Variants in STK32B observed in about 807,000 individuals in gnomAD.
The protein encoded by STK32B is serine/threonine kinase 32B, also known as serine/threonine-protein kinase 32B.
Under a neutral mutation model 52.6 loss-of-function variants are expected in STK32B, and 43 were observed. The observed-to-expected ratio is 0.82, with a 90% CI of 0.64 to 1.05. The LOEUF is 1.05. Among genes scored for constraint, STK32B ranks in the 50% least tolerant of loss-of-function variants. The pLI is 0.00. For synonymous variants in STK32B, 238 were observed against 204.3 expected, an observed-to-expected ratio of 1.17 and a Z score of -1.41; for missense variants, 621 against 534.6, an observed-to-expected ratio of 1.16 and a Z score of -1.59.
intron 1 of STK32B, among the ~76,000 whole-genome samples, chr4:5,105,841 G>A (rs1386082350): frequency 1.3e-5 from 2 of 152,026 alleles, no homozygotes. Flanking sequence ...GGGATTACAG[G>A]TGTGAGCCAC....
At chr4:5,459,282 G>GCCCCCCCCC (rs55688341) in intron 8 of STK32B, among the ~76,000 whole-genome samples, 8 of 133,042 alleles carry the variant, frequency 6.0e-5, no homozygotes, top group African/African-American at 8.6e-5. Flanking sequence ...ACCCTGGTGT[G>GCCCCCCCCC]CCCCCCCCCC....
chr4:5,364,761 C>T (rs1027534942), intron 4 of STK32B, among the ~76,000 whole-genome samples: 3 of 152,172 alleles, frequency 2.0e-5, no homozygotes, highest in Non-Finnish European at 4.4e-5. Context: ...AAAAATGCTA[C>T]TCCAGTCCCA....
intron 3 of STK32B, among the ~76,000 whole-genome samples, chr4:5,291,918 A>G (rs930476874): frequency 6.6e-6 from 1 of 152,052 alleles, no homozygotes; most frequent in Non-Finnish European, 1.5e-5. Flanking sequence ...AATATATTGC[A>G]TGATGCTGAG....
At position 5,493,659 on chromosome 4, in the gene STK32B, A is replaced by C. The variant is rs531026276; in HGVS notation, c.1107-5286A>C. On this transcript the variant is annotated intron_variant, in intron 11 of 11. Transcript: ENST00000282908. ...TTGCTCTTGCTTCTCTAGTTCTTTT[A>C]ATGGTGATGTCAGGGTGTCAATTTT... Among the ~76,000 whole-genome samples the C allele has an allele frequency of 6.6e-5, 10 of 152,088 alleles. No homozygotes were observed. In the East Asian group the frequency reaches 1.9e-3, roughly 29 times the overall value.
chr4:5,022,476 A>T, the STK32B span, among the ~76,000 whole-genome samples: 1 of 152,156 alleles, frequency 6.6e-6, no homozygotes, highest in Non-Finnish European at 1.5e-5. Flanking sequence ...TTCACCACGA[A>T]TCACCTGCAT....
At position 5,398,826 on chromosome 4, in the gene STK32B, C is replaced by T. The variant is rs764360710; in HGVS notation, c.472+582C>T. Among the ~76,000 whole-genome samples the T allele has an allele frequency of 5.9e-5, 9 of 152,210 alleles. No individual in the cohort carries two copies. The highest frequency in any genetic ancestry group is 1.3e-4 in the Admixed American group (2 of 15,284). On this transcript the variant is annotated intron_variant, in intron 5 of 11. Transcript: ENST00000282908. This position sits in a 1 kb window ranked among gnomAD's most constrained non-coding sequence, Gnocchi z 4.9. ...AAGTCTGAGATGGGACTAGACTCTG[C>T]AAAGTCCAGAGTCTGCAAAGCTCCC...
intron 3 of STK32B, among the ~76,000 whole-genome samples, chr4:5,235,128 C>T (rs982286524): frequency 6.6e-6 from 1 of 152,206 alleles, no homozygotes; most frequent in African/African-American, 2.4e-5. Context: ...TAGATTCATC[C>T]TTTACTAATG....
chr4:5,275,546 A>G (rs766404836), intron 3 of STK32B, among the ~76,000 whole-genome samples: 1 of 150,254 alleles, frequency 6.7e-6, no homozygotes, highest in South Asian at 2.1e-4. Flanking sequence ...ATCCCCTTGA[A>G]CCTTCTGTGA....
At position 5,470,326 on chromosome 4, in the gene STK32B, C is replaced by T. The variant is rs535094583; in HGVS notation, c.1106+2256C>T. 4.2e-4 allele frequency among the ~76,000 whole-genome samples: 64 copies of T among 152,138 alleles called. No individual in the cohort carries two copies. The highest frequency in any genetic ancestry group is 7.9e-4 in the Non-Finnish European group (54 of 68,004). ...TATGGACACCATTGAGATTTGGCAT[C>T]GGGGATTGGAAGTGAGGCTGGCATA... On this transcript the variant is annotated intron_variant, in intron 11 of 11. Coordinates refer to ENST00000282908, the MANE Select transcript of STK32B (RefSeq NM_018401.3). This position sits in a 1 kb window ranked among gnomAD's most constrained non-coding sequence, Gnocchi z 4.6.
chr4:5,052,622 C>G (rs1741835111), intron 1 of STK32B, among the ~76,000 whole-genome samples: 1 of 152,152 alleles, frequency 6.6e-6, no homozygotes, highest in East Asian at 1.9e-4. Context: ...CTTCACCTCT[C>G]TGAAACATTA....
At chr4:5,145,540 ATAGAT>A (rs530121733) in intron 2 of STK32B, among the ~76,000 whole-genome samples, 99 of 152,304 alleles carry the variant, frequency 6.5e-4, no homozygotes, top group Non-Finnish European at 1.0e-3. Context: ...TCCATCCATT[ATAGAT>A]TAGAGTTGCC....
chr4:5,349,990 A>G (rs976246421), intron 4 of STK32B, among the ~76,000 whole-genome samples: 2 of 152,246 alleles, frequency 1.3e-5, no homozygotes, highest in African/African-American at 4.8e-5. Context: ...ATGGGACACC[A>G]TAAATCAATT....
the STK32B span, among the ~76,000 whole-genome samples, chr4:5,032,476 C>CAAAAAAAAA: frequency 2.4e-3 from 120 of 49,512 alleles, no homozygotes; most frequent in East Asian, 2.9e-3. Context: ...GACTCCATCT[C>CAAAAAAAAA]AAAAAAAAAA....
chr4:5,357,048 C>CAT (rs1734223712), intron 4 of STK32B, among the ~76,000 whole-genome samples: 1 of 144,662 alleles, frequency 6.9e-6, no homozygotes, highest in African/African-American at 2.7e-5. Flanking sequence ...CACATATATA[C>CAT]ACACACACAT....
At chr4:5,121,797 A>G (rs1239597727) in intron 1 of STK32B, among the ~76,000 whole-genome samples, 1 of 152,174 alleles carries the variant, frequency 6.6e-6, no homozygotes, top group Non-Finnish European at 1.5e-5. Flanking sequence ...TTGCTGTGAC[A>G]GCTAAGGAGA....
chr4:5,461,776 G>A (rs1042757883), intron 9 of STK32B, among the ~76,000 whole-genome samples: 1 of 152,158 alleles, frequency 6.6e-6, no homozygotes, highest in Non-Finnish European at 1.5e-5. Flanking sequence ...TTCCAGGCCT[G>A]GCCATGTGCC....
intron 1 of STK32B, among the ~76,000 whole-genome samples, chr4:5,119,722 A>G (rs1714921581): frequency 6.6e-6 from 1 of 152,232 alleles, no homozygotes; most frequent in Non-Finnish European, 1.5e-5. Flanking sequence ...GAAGGAATGC[A>G]GCCAGCTTAT....
intron 4 of STK32B, among the ~76,000 whole-genome samples, chr4:5,347,853 T>G (rs1733568850): frequency 6.6e-6 from 1 of 152,202 alleles, no homozygotes; most frequent in African/African-American, 2.4e-5. Context: ...CCACCATGAT[T>G]GTAAGTTTCC....
At chr4:5,239,451 A>C (rs916640501) in intron 3 of STK32B, among the ~76,000 whole-genome samples, 16 of 152,218 alleles carry the variant, frequency 1.1e-4, no homozygotes, top group Non-Finnish European at 2.1e-4. Flanking sequence ...GTGAGGGGAC[A>C]GTTGCAGGGA....
Sources: allele counts gnomAD v4.1 joint callset (sites outside exome capture counted in the v4.1 genomes callset), GRCh38; gene constraint gnomAD v4.1.1; non-coding constraint Gnocchi (gnomAD v3.1); transcripts MANE v1.5; gene names NCBI Gene and HGNC (gene_info 2026-07-23, HGNC 2026-07-21).